The following SGK3 variants were observed in gnomAD, a reference collection of about 807,000 sequenced individuals.
SGK3 encodes the protein serum/glucocorticoid regulated kinase family member 3.
SGK3 carries 47 observed loss-of-function variants against 68.5 expected under a neutral mutation model. The ratio of observed to expected loss-of-function variants is 0.69; its 90% CI spans 0.54 to 0.87. The LOEUF (loss-of-function observed/expected upper bound fraction) is 0.87. Among genes scored for constraint, SGK3 ranks in the 40% least tolerant of loss-of-function variants. SGK3 has a pLI of 0.00. For missense variants in SGK3, 479 were observed against 575.5 expected (o/e 0.83, Z 1.72); for synonymous variants, 181 against 189.1 (o/e 0.96, Z 0.35).
chr8:66,741,596 G>A (rs1334365759), intron 1 of SGK3, among the ~76,000 whole-genome samples: 2 of 152,098 alleles, frequency 1.3e-5, no homozygotes, highest in Non-Finnish European at 2.9e-5. Flanking sequence ...GCTGGGTACA[G>A]TGGCTCATAC....
At chr8:66,723,228 C>A (rs1376075869) in intron 1 of SGK3, among the ~76,000 whole-genome samples, 6 of 142,982 alleles carry the variant, frequency 4.2e-5, no homozygotes, top group Non-Finnish European at 6.0e-5. Flanking sequence ...GGTGGATCAC[C>A]TGAGGTTGGG....
intron 16 of SGK3, among the ~76,000 whole-genome samples, chr8:66,853,942 G>A (rs112736289): frequency 6.6e-6 from 1 of 151,870 alleles, no homozygotes; most frequent in South Asian, 2.1e-4. Flanking sequence ...ATACCATTTC[G>A]GAACAACCAA....
At chr8:66,836,632 C>CT (rs1809543785) in intron 10 of SGK3, among the ~76,000 whole-genome samples, 2 of 144,096 alleles carry the variant, frequency 1.4e-5, no homozygotes, top group Admixed American at 1.4e-4. Flanking sequence ...GACCCCATCT[C>CT]TTTAAAAAAA....
intron 12 of SGK3, 64 bp downstream of exon 12, chr8:66,840,311 CA>C (rs1809747993): frequency 1.1e-5 from 16 of 1,418,462 alleles, no homozygotes; most frequent in Admixed American, 4.6e-5. Flanking sequence ...ATGCTTAGTG[CA>C]AAAAAAGTCT....
intron 1 of SGK3, among the ~76,000 whole-genome samples, chr8:66,757,381 C>T (rs1806010792): frequency 6.6e-6 from 1 of 151,620 alleles, no homozygotes; most frequent in Admixed American, 6.6e-5. Flanking sequence ...TCAAGTGATT[C>T]TCCTGCCTAG....
chr8:66,717,489 C>T (rs926167961), intron 1 of SGK3, among the ~76,000 whole-genome samples: 1 of 152,092 alleles, frequency 6.6e-6, no homozygotes, highest in Admixed American at 6.6e-5. Context: ...GATCGCACCA[C>T]TGTGCTCCAG....
intron 5 of SGK3, 28 bp downstream of exon 5, chr8:66,813,956 G>T: frequency 1.3e-6 from 2 of 1,537,122 alleles, no homozygotes; most frequent in Admixed American, 2.0e-5. Context: ...CGTTCTAAAG[G>T]GACATTAAAA....
chr8:66,743,948 T>A (rs1369427421), intron 1 of SGK3, among the ~76,000 whole-genome samples: 1 of 152,216 alleles, frequency 6.6e-6, no homozygotes, highest in Admixed American at 6.5e-5. Context: ...CCAGGAGTCC[T>A]CTGTCCTTTT....
intron 16 of SGK3, among the ~76,000 whole-genome samples, chr8:66,851,888 C>T (rs1810303042): frequency 6.6e-6 from 1 of 152,230 alleles, no homozygotes; most frequent in South Asian, 2.1e-4. Flanking sequence ...ATATAATTTA[C>T]TCTTAAGCTA....
chr8:66,853,041 CT>C (rs1275976754), intron 16 of SGK3, among the ~76,000 whole-genome samples: 1 of 152,068 alleles, frequency 6.6e-6, no homozygotes, highest in South Asian at 2.1e-4. Flanking sequence ...CTTCTCTATA[CT>C]TTTTTTTCTT....
chr8:66,810,009 GA>G (rs1284801872), intron 4 of SGK3, among the ~76,000 whole-genome samples: 1 of 152,196 alleles, frequency 6.6e-6, no homozygotes, highest in African/African-American at 2.4e-5. Context: ...CTTAGTCTTG[GA>G]AGCCACATGC....
chr8:66,837,719 G>A (rs369470635), intron 10 of SGK3, among the ~76,000 whole-genome samples: 6 of 152,248 alleles, frequency 3.9e-5, no homozygotes, highest in Admixed American at 1.3e-4. Context: ...AGGAGGTTGC[G>A]GCTGCAATGA....
intron 4 of SGK3, among the ~76,000 whole-genome samples, chr8:66,806,172 G>GTT (rs146998330): frequency 0.021 from 3,151 of 149,814 alleles, 113 homozygotes; most frequent in African/African-American, 0.072. Context: ...TACATACAGA[G>GTT]TTTTTTTTTT....
rs1466159844 is a variant in SGK3, at chr8:66,712,794, C to T, written c.-161C>T. ...GAAGGAGGAAGCGCAGTGCGTTCGGCTCCGCGCCCGCCGCGCCGGGAGCAG... is the reference window on the plus strand; with the variant it reads ...GAAGGAGGAAGCGCAGTGCGTTCGGTTCCGCGCCCGCCGCGCCGGGAGCAG... On this transcript the variant is annotated 5_prime_UTR_variant, in exon 1 of 17. Transcript: ENST00000521198. 6.6e-6 allele frequency: 1 copy of T among 151,272 alleles called. No homozygotes were observed. Among genetic ancestry groups the T allele is most frequent in the Non-Finnish European group, 1.5e-5 (1 of 67,742 alleles). The allele number at this position is 151,272 out of a possible 1,614,324, so 9.4% of individuals were successfully genotyped here. A position where few individuals can be genotyped will look rare whatever the true frequency, so the allele number is the denominator to read the frequency against.
intron 3 of SGK3, among the ~76,000 whole-genome samples, chr8:66,802,582 CAG>C (rs1280210648): frequency 6.6e-6 from 1 of 151,660 alleles, no homozygotes; most frequent in Non-Finnish European, 1.5e-5. Context: ...CCCAGCTACT[CAG>C]GGGGCTGAGG....
intron 1 of SGK3, among the ~76,000 whole-genome samples, chr8:66,722,304 A>T (rs1804817044): frequency 6.6e-6 from 1 of 152,144 alleles, no homozygotes; most frequent in South Asian, 2.1e-4. Context: ...TTTTCTTGAG[A>T]TGAAGTCTCA....
At chr8:66,756,001 C>T (rs1000904680) in intron 1 of SGK3, among the ~76,000 whole-genome samples, 3 of 152,048 alleles carry the variant, frequency 2.0e-5, no homozygotes, top group Non-Finnish European at 2.9e-5. Flanking sequence ...GTTCTAGCCC[C>T]CAGTATCTCA....
At chr8:66,749,769 A>G (rs1195114418) in intron 1 of SGK3, among the ~76,000 whole-genome samples, 1 of 152,126 alleles carries the variant, frequency 6.6e-6, no homozygotes, top group Non-Finnish European at 1.5e-5. Context: ...TAATTTAGAT[A>G]TGTTTATATA....
intron 1 of SGK3, among the ~76,000 whole-genome samples, chr8:66,758,213 G>A (rs1381552235): frequency 6.6e-6 from 1 of 151,784 alleles, no homozygotes; most frequent in Non-Finnish European, 1.5e-5. Flanking sequence ...AATTAGCCAG[G>A]TGTGGTGGTG....
Sources: gnomAD v4.1 joint callset for allele counts (sites outside exome capture counted in the v4.1 genomes callset) on GRCh38, gnomAD v4.1.1 for gene constraint, MANE v1.5 for transcripts, NCBI Gene and HGNC (gene_info 2026-07-23, HGNC 2026-07-21) for gene names.